The following FAM47E variants were observed in gnomAD, a reference collection of about 807,000 sequenced individuals.
FAM47E encodes protein FAM47E.
Under a neutral mutation model 41.6 loss-of-function variants are expected in FAM47E, and 32 were observed. That is an observed-to-expected ratio of 0.77 (90% CI 0.58 to 1.03). The LOEUF (loss-of-function observed/expected upper bound fraction) is 1.03. Ranked by LOEUF, FAM47E falls within the 50% of genes least tolerant of loss-of-function variation. The pLI, the probability that FAM47E is intolerant of heterozygous loss-of-function variation, is 0.00. For missense variants in FAM47E, 424 were observed against 485.4 expected, an observed-to-expected ratio of 0.87 and a Z score of 1.19; for synonymous variants, 184 against 188.7, an observed-to-expected ratio of 0.98 and a Z score of 0.20.
intron 5 of FAM47E, among the ~76,000 whole-genome samples, chr4:76,276,282 A>G (rs1328928998): frequency 6.6e-6 from 1 of 151,922 alleles, no homozygotes; most frequent in Non-Finnish European, 1.5e-5. Flanking sequence ...AATATATAGC[A>G]TAGAAATGGT....
chr4:76,277,835 C>T (rs1396008928), intron 5 of FAM47E, among the ~76,000 whole-genome samples: 1 of 152,146 alleles, frequency 6.6e-6, no homozygotes. Flanking sequence ...GATTTGAACC[C>T]TGGTCTGTCA....
chr4:76,257,775 C>T (rs950317012), intron 2 of FAM47E, among the ~76,000 whole-genome samples: 4 of 152,080 alleles, frequency 2.6e-5, no homozygotes, highest in African/African-American at 9.7e-5. Flanking sequence ...ACCCTCACAT[C>T]TACTCCTTAC....
At chr4:76,217,509 C>A in intron 1 of FAM47E, 1 of 416,224 alleles carries the variant, frequency 2.4e-6, no homozygotes, top group Admixed American at 4.1e-5. Flanking sequence ...CTGGCACCTC[C>A]TCCTTCTCTC....
intron 2 of FAM47E, 141 bp downstream of exon 2, chr4:76,256,664 A>G (rs2289514): frequency 0.61 from 651,965 of 1,073,972 alleles, 200,843 homozygotes; most frequent in Middle Eastern, 0.64. Context: ...GCGAGTTCTT[A>G]TGGGCCTCAG....
At chr4:76,218,644 A>G (rs1356628056) in intron 2 of FAM47E, among the ~76,000 whole-genome samples, 1 of 152,180 alleles carries the variant, frequency 6.6e-6, no homozygotes, top group Non-Finnish European at 1.5e-5. Context: ...CCCTCTTCAA[A>G]TTCTTATTTT....
intron 5 of FAM47E, among the ~76,000 whole-genome samples, chr4:76,276,068 A>C (rs565362724): frequency 8.6e-5 from 13 of 150,512 alleles, no homozygotes; most frequent in African/African-American, 2.2e-4. Flanking sequence ...ACACACACAC[A>C]CCCCTCCCCT....
chr4:76,263,470 T>C (rs1734503457), intron 2 of FAM47E, among the ~76,000 whole-genome samples: 1 of 152,218 alleles, frequency 6.6e-6, no homozygotes, highest in South Asian at 2.1e-4. Context: ...TTGAGGATTT[T>C]AGACTTTAGG....
intron 3 of FAM47E, among the ~76,000 whole-genome samples, chr4:76,266,491 A>G (rs1734641067): frequency 6.6e-6 from 1 of 152,168 alleles, no homozygotes; most frequent in South Asian, 2.1e-4. Context: ...TTTGAAATGT[A>G]TCCAGAATCT....
intron 2 of FAM47E, among the ~76,000 whole-genome samples, chr4:76,238,761 CAT>C (rs1733640464): frequency 6.6e-6 from 1 of 152,066 alleles, no homozygotes; most frequent in Admixed American, 6.5e-5. Context: ...TGTGGTAAAA[CAT>C]ACATAACACA....
At chr4:76,240,068 T>C (rs1164870455) in intron 2 of FAM47E, among the ~76,000 whole-genome samples, 1 of 152,244 alleles carries the variant, frequency 6.6e-6, no homozygotes, top group Non-Finnish European at 1.5e-5. Flanking sequence ...TCTATATGTC[T>C]GTCTTTGTGC....
At chr4:76,263,426 T>C (rs1229290933) in intron 2 of FAM47E, among the ~76,000 whole-genome samples, 1 of 152,210 alleles carries the variant, frequency 6.6e-6, no homozygotes, top group Non-Finnish European at 1.5e-5. Context: ...TTCAGAATTA[T>C]AGTTTTGGGA....
chr4:76,278,599 C>T, intron 6 of FAM47E: 2 of 280,638 alleles, frequency 7.1e-6, no homozygotes, highest in Non-Finnish European at 1.3e-5. Flanking sequence ...AAATGTGAAG[C>T]TTGTTTCCTA....
At chr4:76,269,440 C>A (rs1734788323) in intron 4 of FAM47E, 1 of 152,094 alleles carries the variant, frequency 6.6e-6, no homozygotes, top group African/African-American at 2.4e-5. Context: ...CATGGTGAAA[C>A]CCTGTCTCTA....
chr4:76,229,680 ATGT>A (rs1733460213), intron 2 of FAM47E, among the ~76,000 whole-genome samples: 1 of 152,140 alleles, frequency 6.6e-6, no homozygotes, highest in Non-Finnish European at 1.5e-5. Flanking sequence ...GATTCCTGTG[ATGT>A]GATCCATCTT....
intron 2 of FAM47E, among the ~76,000 whole-genome samples, chr4:76,245,924 C>T (rs1733817122): frequency 6.6e-6 from 1 of 152,138 alleles, no homozygotes; most frequent in African/African-American, 2.4e-5. Flanking sequence ...TATCTGTAAT[C>T]CCCTATCTGC....
At chr4:76,251,683 C>A (rs1733967344), upstream of FAM47E, 31 of 1,393,586 alleles carry the variant, frequency 2.2e-5, no homozygotes, top group Non-Finnish European at 2.7e-5. Flanking sequence ...GTCCTAGCAA[C>A]GGGGCGGCAG....
Position 76,281,935 on chromosome 4 carries a change from T to G in FAM47E, c.1105-1446T>G, listed in dbSNP as rs958599854. ...ACAATGCACTGGATATACCAGCATT[T>G]ATTATTAAGTTTAGTGAGGGCGGGG... On this transcript the variant is annotated intron_variant, in intron 7 of 7. Coordinates refer to ENST00000424749, the MANE Select transcript of FAM47E (RefSeq NM_001136570.3). 3 of 152,220 alleles carry G rather than the reference T, an allele frequency of 2.0e-5. No homozygotes were observed. The South Asian group carries it at 6.2e-4, about 32-fold the overall frequency. The allele number at this position is 152,220 out of a possible 1,614,324, so 9.4% of individuals were successfully genotyped here.
intron 5 of FAM47E, among the ~76,000 whole-genome samples, chr4:76,272,849 T>C (rs1167568606): frequency 1.3e-5 from 2 of 152,194 alleles, no homozygotes; most frequent in Non-Finnish European, 2.9e-5. Context: ...GACTGGCAAA[T>C]GGAGGGTCAC....
At chr4:76,282,515 GA>G (rs1049673190) in intron 7 of FAM47E, 2 of 152,220 alleles carry the variant, frequency 1.3e-5, no homozygotes, top group African/African-American at 4.8e-5. Flanking sequence ...TCTGCAGGGG[GA>G]AGCACATCAT....
Sources: gnomAD v4.1 joint callset for allele counts (sites outside exome capture counted in the v4.1 genomes callset) on GRCh38, gnomAD v4.1.1 for gene constraint, MANE v1.5 for transcripts, NCBI Gene and HGNC (gene_info 2026-07-23, HGNC 2026-07-21) for gene names.